WWOX: variants seen among roughly 807,000 people sequenced by gnomAD.
WWOX encodes the protein WW domain containing oxidoreductase.
WWOX carries 69 observed loss-of-function variants against 46.2 expected under a neutral mutation model. The ratio of observed to expected loss-of-function variants is 1.49; its 90% CI spans 1.23 to 1.82. The LOEUF (loss-of-function observed/expected upper bound fraction) is 1.82. Among genes scored for constraint, WWOX ranks in the 40% most tolerant of loss-of-function variants. The probability of loss-of-function intolerance (pLI) is 0.00; values close to 1 mark genes in which losing one functional copy is unlikely to be tolerated. For missense variants in WWOX, 919 were observed against 542.6 expected (o/e 1.69, Z -6.89); for synonymous variants, 359 against 202.6 (o/e 1.77, Z -6.56).
intron 8 of WWOX, among the ~76,000 whole-genome samples, chr16:78,918,842 C>G (rs1185061992): frequency 6.6e-6 from 1 of 152,152 alleles, no homozygotes; most frequent in African/African-American, 2.4e-5. Flanking sequence ...TGCGGGGTCT[C>G]ACATGATCCG....
At chr16:78,951,998 C>G (rs567820803) in intron 8 of WWOX, among the ~76,000 whole-genome samples, 1 of 152,262 alleles carries the variant, frequency 6.6e-6, no homozygotes, top group South Asian at 2.1e-4. Context: ...TTCTAATCTT[C>G]CCACCCTCAG....
intron 8 of WWOX, among the ~76,000 whole-genome samples, chr16:78,852,716 A>T (rs1322105085): frequency 1.3e-5 from 2 of 152,238 alleles, no homozygotes; most frequent in African/African-American, 4.8e-5. Flanking sequence ...TACAGAGCCC[A>T]TATGCGCTGC....
intron 8 of WWOX, among the ~76,000 whole-genome samples, chr16:79,130,233 A>G (rs546864284): frequency 6.6e-6 from 1 of 152,322 alleles, no homozygotes; most frequent in South Asian, 2.1e-4. Context: ...CTTCAGTACC[A>G]CATACAACAG....
intron 8 of WWOX, among the ~76,000 whole-genome samples, chr16:78,623,013 G>C (rs373278938): frequency 4.0e-4 from 61 of 152,192 alleles, no homozygotes; most frequent in African/African-American, 1.5e-3. Flanking sequence ...GAGGACATTA[G>C]TCCTATAACC....
intron 8 of WWOX, among the ~76,000 whole-genome samples, chr16:79,142,257 C>T (rs904808070): frequency 5.9e-5 from 9 of 152,232 alleles, no homozygotes; most frequent in African/African-American, 1.7e-4. Context: ...AAGATAATTC[C>T]TGGTAGTGAC....
At chr16:78,544,798 C>A (rs1023545201) in intron 8 of WWOX, among the ~76,000 whole-genome samples, 1 of 152,022 alleles carries the variant, frequency 6.6e-6, no homozygotes. Flanking sequence ...TCACTTCAGC[C>A]CAGAAGTTCA....
intron 8 of WWOX, among the ~76,000 whole-genome samples, chr16:78,558,101 G>A (rs537284590): frequency 3.9e-5 from 6 of 152,084 alleles, no homozygotes; most frequent in Non-Finnish European, 8.8e-5. Flanking sequence ...TGAAGGCCCC[G>A]GCTCATTCTT....
At chr16:78,758,707 C>G (rs558526542) in intron 8 of WWOX, among the ~76,000 whole-genome samples, 71 of 152,232 alleles carry the variant, frequency 4.7e-4, no homozygotes, top group African/African-American at 1.6e-3. Flanking sequence ...TATTGATTGA[C>G]CTCTCTGAGC....
In WWOX at chr16:78,547,862, C is replaced by G. The variant is rs2044078507; in HGVS notation, c.1056+115110C>G. Among the ~76,000 whole-genome samples the G allele has an allele frequency of 2.0e-5, 3 of 152,030 alleles. 1 individual carries two copies. Among genetic ancestry groups the G allele is most frequent in the Admixed American group, 2.0e-4 (3 of 15,256 alleles). On this transcript the variant is annotated intron_variant, in intron 8 of 8. Transcript: ENST00000566780. ...ATATATTATATTGGTGATTAAATTT[C>G]AACATATGGCTGGGCGTGGTGGCTC...
intron 8 of WWOX, among the ~76,000 whole-genome samples, chr16:79,163,795 CAAA>C (rs66922536): frequency 1.3e-4 from 13 of 102,278 alleles, no homozygotes; most frequent in African/African-American, 3.3e-4. Context: ...AACTCCACCT[CAAA>C]AAAAAAAAAA....
chr16:78,107,119 T>C (rs1431392086), intron 1 of WWOX, among the ~76,000 whole-genome samples: 1 of 150,270 alleles, frequency 6.7e-6, no homozygotes, highest in African/African-American at 2.5e-5. Flanking sequence ...GTTCACATCT[T>C]ATCATCTAGA....
chr16:79,027,279 C>A (rs1055759986), intron 8 of WWOX, among the ~76,000 whole-genome samples: 200 of 125,416 alleles, frequency 1.6e-3, no homozygotes, highest in East Asian at 1.9e-3. Context: ...GACTCCATCT[C>A]AAAAAAAAAA....
chr16:79,096,022 T>TTTC (rs56329225), intron 8 of WWOX, among the ~76,000 whole-genome samples: 5 of 143,330 alleles, frequency 3.5e-5, no homozygotes, highest in African/African-American at 1.3e-4. Flanking sequence ...GATAATTTTT[T>TTTC]TTTTTTTTTT....
intron 4 of WWOX, among the ~76,000 whole-genome samples, chr16:78,131,888 T>G (rs74369461): frequency 6.9e-6 from 1 of 145,238 alleles, no homozygotes; most frequent in African/African-American, 2.6e-5. Flanking sequence ...CTGGCAAGGA[T>G]TTTTTTTTTT....
At chr16:78,368,376 T>C (rs1398860909) in intron 5 of WWOX, among the ~76,000 whole-genome samples, 5 of 152,168 alleles carry the variant, frequency 3.3e-5, no homozygotes, top group African/African-American at 9.7e-5. Flanking sequence ...GGGGGATGCT[T>C]TGTAGACCTG....
chr16:78,504,522 C>T (rs567278520), intron 8 of WWOX, among the ~76,000 whole-genome samples: 15 of 152,306 alleles, frequency 9.8e-5, no homozygotes, highest in Non-Finnish European at 1.9e-4. Context: ...ATGGAAAGTA[C>T]ATTGCTATTT....
At chr16:78,625,720 G>T (rs1342530896) in intron 8 of WWOX, among the ~76,000 whole-genome samples, 1 of 146,714 alleles carries the variant, frequency 6.8e-6, no homozygotes, top group Non-Finnish European at 1.5e-5. Flanking sequence ...GCTATTAAAA[G>T]TAATGCGGTT....
intron 8 of WWOX, among the ~76,000 whole-genome samples, chr16:78,793,330 G>A (rs2050656380): frequency 6.6e-6 from 1 of 152,144 alleles, no homozygotes; most frequent in African/African-American, 2.4e-5. Context: ...CAGAGTGCTG[G>A]GATTCCAGGC....
intron 5 of WWOX, among the ~76,000 whole-genome samples, chr16:78,214,509 C>G (rs759865324): frequency 6.6e-6 from 1 of 152,144 alleles, no homozygotes; most frequent in Non-Finnish European, 1.5e-5. Flanking sequence ...GATCTCCTCC[C>G]GAAGTCTCTT....
Sources: gnomAD v4.1 joint callset for allele counts (sites outside exome capture counted in the v4.1 genomes callset) on GRCh38, gnomAD v4.1.1 for gene constraint, MANE v1.5 for transcripts, NCBI Gene and HGNC (gene_info 2026-07-23, HGNC 2026-07-21) for gene names.